The following PIGN variants were observed in gnomAD, a reference collection of about 807,000 sequenced individuals.
PIGN encodes GPI ethanolamine phosphate transferase 1.
Under a neutral mutation model 125.4 loss-of-function variants are expected in PIGN, and 117 were observed. The observed-to-expected ratio is 0.93, with a 90% confidence interval of 0.80 to 1.09. The LOEUF (loss-of-function observed/expected upper bound fraction) is 1.09. Among genes scored for constraint, PIGN ranks in the 50% least tolerant of loss-of-function variants. The pLI is 0.00. For synonymous variants in PIGN, 392 were observed against 377.8 expected (o/e 1.04, Z -0.44); for missense variants, 1,075 against 1,094.9 (o/e 0.98, Z 0.26).
intron 6 of PIGN, among the ~76,000 whole-genome samples, chr18:62,154,912 T>G (rs1048185064): frequency 1.3e-5 from 2 of 152,218 alleles, no homozygotes; most frequent in African/African-American, 4.8e-5. Context: ...ATTCATTATA[T>G]GTTAATTAAC....
intron 1 of PIGN, among the ~76,000 whole-genome samples, chr18:62,170,190 G>A (rs2037300736): frequency 6.6e-6 from 1 of 152,118 alleles, no homozygotes; most frequent in Non-Finnish European, 1.5e-5. Flanking sequence ...TTTTTAATTA[G>A]ATTGTGTTCT....
Position 62,113,249 on chromosome 18 carries a change from C to G in PIGN, c.1319G>C (p.Arg440Thr). The G allele has an allele frequency of 6.2e-7, 1 of 1,612,954 alleles. No individual in the cohort carries two copies. The highest frequency in any genetic ancestry group is 8.5e-7 in the Non-Finnish European group (1 of 1,179,292). The change falls in exon 16 of 31, where the codon AGA becomes ACA. Residue 440 changes from arginine to threonine, a missense_variant. This residue lies in a region of PIGN where 915 missense variants were observed against 908.7 expected (regional missense o/e 1.01). Transcript: ENST00000640252. ...AACAACATTGACGCCCAAAAAGAATCTGTCATATGTGTGATAATAGGACAA... is the reference window on the plus strand; with the variant it reads ...AACAACATTGACGCCCAAAAAGAATGTGTCATATGTGTGATAATAGGACAA... ...KGLSYYHTYD[R>T]FFLGVNVVIG...
At chr18:62,022,717 G>A (rs540769183) in intron 23 of PIGN, among the ~76,000 whole-genome samples, 2 of 152,248 alleles carry the variant, frequency 1.3e-5, no homozygotes, top group South Asian at 4.2e-4. Flanking sequence ...TTAGTACCTT[G>A]CATTTCATTA....
intron 10 of PIGN, among the ~76,000 whole-genome samples, chr18:62,145,355 C>T (rs1271114181): frequency 6.6e-6 from 1 of 152,110 alleles, no homozygotes; most frequent in African/African-American, 2.4e-5. Context: ...TATAAGAAAT[C>T]GCCCTCTGAA....
intron 1 of PIGN, among the ~76,000 whole-genome samples, chr18:62,178,351 C>T (rs1419498211): frequency 2.6e-5 from 4 of 151,832 alleles, no homozygotes. Context: ...CCCCCTTATG[C>T]TTGTTTCAGT....
intron 1 of PIGN, among the ~76,000 whole-genome samples, chr18:62,167,868 C>A (rs758813686): frequency 6.6e-6 from 1 of 151,574 alleles, no homozygotes; most frequent in Non-Finnish European, 1.5e-5. Context: ...ATTTTTTTAA[C>A]GGTGTATATA....
Position 62,101,193 on chromosome 18 carries a change from A to G in PIGN, c.1969-10T>C. ...GCACTGTGCTCAGCACCTAAAGACAAAGATGAAATAGGTTAAAAAAAGAGA... is the reference window on the plus strand; with the variant it reads ...GCACTGTGCTCAGCACCTAAAGACAGAGATGAAATAGGTTAAAAAAAGAGA... On this transcript the variant is annotated splice_polypyrimidine_tract_variant and intron_variant, in intron 21 of 30. Coordinates refer to ENST00000640252, the MANE Select transcript of PIGN (RefSeq NM_176787.5). 6.8e-7 allele frequency: 1 copy of G among 1,463,762 alleles called. No homozygotes were observed. The highest frequency in any genetic ancestry group is 9.5e-7 in the Non-Finnish European group (1 of 1,047,208). The allele number at this position is 1,463,762 out of a possible 1,614,324, so 90.7% of individuals were successfully genotyped here. A position where few individuals can be genotyped will look rare whatever the true frequency, so the allele number is the denominator to read the frequency against.
intron 28 of PIGN, among the ~76,000 whole-genome samples, chr18:62,081,059 C>T (rs1278921122): frequency 6.6e-6 from 1 of 152,078 alleles, no homozygotes; most frequent in Non-Finnish European, 1.5e-5. Context: ...TTGTTCAATA[C>T]ACATTTTAAG....
chr18:62,068,479 G>A (rs527386316), intron 30 of PIGN, among the ~76,000 whole-genome samples: 18 of 152,110 alleles, frequency 1.2e-4, no homozygotes, highest in African/African-American at 4.3e-4. Context: ...TTGGGGTCTT[G>A]GTAGAAAAAA....
At chr18:62,036,263 T>C (rs567143891), downstream of PIGN, among the ~76,000 whole-genome samples, 1 of 152,234 alleles carries the variant, frequency 6.6e-6, no homozygotes, top group East Asian at 1.9e-4. Context: ...AATCCCAGTA[T>C]ACTTTTTTTT....
intron 1 of PIGN, among the ~76,000 whole-genome samples, chr18:62,168,065 A>ATATCTGTAAT (rs77441898): frequency 2.0e-5 from 3 of 151,166 alleles, no homozygotes; most frequent in African/African-American, 7.3e-5. Flanking sequence ...GTGGTGGCGC[A>ATATCTGTAAT]CCCAACCACT....
At chr18:62,181,389 A>G (rs1023648071) in intron 1 of PIGN, among the ~76,000 whole-genome samples, 2 of 152,140 alleles carry the variant, frequency 1.3e-5, no homozygotes, top group African/African-American at 4.8e-5. Flanking sequence ...GACCACCTAA[A>G]TCTCAAACAA....
chr18:62,039,553 C>G (rs1433652972), downstream of PIGN, among the ~76,000 whole-genome samples: 1 of 94,842 alleles, frequency 1.1e-5, no homozygotes, highest in African/African-American at 3.3e-5. Flanking sequence ...TAGGGTCCAT[C>G]CAGGGTGCCG....
At chr18:62,099,410 C>A (rs902435287) in intron 22 of PIGN, among the ~76,000 whole-genome samples, 2 of 151,870 alleles carry the variant, frequency 1.3e-5, no homozygotes, top group African/African-American at 2.4e-5. Context: ...ATATATAAAA[C>A]AAAAATTATG....
chr18:62,085,419 G>A (rs1264674711), intron 25 of PIGN, among the ~76,000 whole-genome samples, 155 bp from the exon 26 acceptor site: 1 of 152,080 alleles, frequency 6.6e-6, no homozygotes, highest in Non-Finnish European at 1.5e-5. Flanking sequence ...AACTCCTTGT[G>A]AATGCATTTT....
intron 25 of PIGN, 42 bp downstream of exon 25, chr18:62,088,714 G>A (rs1371627225): frequency 3.0e-6 from 3 of 1,011,336 alleles, no homozygotes; most frequent in South Asian, 2.8e-5. Flanking sequence ...TCCATTAAGT[G>A]GGAGTTGCAG....
intron 11 of PIGN, 109 bp from the exon 12 acceptor site, chr18:62,140,588 A>C: frequency 1.7e-6 from 1 of 571,584 alleles, no homozygotes; most frequent in Non-Finnish European, 3.2e-6. Flanking sequence ...TGTTATAATC[A>C]GTTACCTTCA....
intron 1 of PIGN, among the ~76,000 whole-genome samples, chr18:62,166,965 C>A (rs1018856368): frequency 7.9e-5 from 12 of 152,124 alleles, no homozygotes; most frequent in Admixed American, 3.3e-4. Context: ...GTTTTAAAAC[C>A]TAGATGACAG....
In PIGN at chr18:62,105,539, A is replaced by T; in HGVS notation, c.1859+4T>A. The T allele has an allele frequency of 6.8e-7, 1 of 1,470,516 alleles. No individual in the cohort carries two copies. The highest frequency in any genetic ancestry group is 9.3e-7 in the Non-Finnish European group (1 of 1,073,172). 91.1% of individuals were successfully genotyped at this position (1,470,516 alleles called of 1,614,324 possible). On this transcript the variant is annotated splice_donor_region_variant and intron_variant, in intron 20 of 30. Coordinates refer to ENST00000640252, the MANE Select transcript of PIGN (RefSeq NM_176787.5). ...AATAGAATAAAATACAATATTATTCATACACTAGAGAGATGTCTGGCTTTC... is the reference window on the plus strand; with the variant it reads ...AATAGAATAAAATACAATATTATTCTTACACTAGAGAGATGTCTGGCTTTC...
Sources: allele counts gnomAD v4.1 joint callset (sites outside exome capture counted in the v4.1 genomes callset), GRCh38; gene constraint gnomAD v4.1.1; regional missense constraint gnomAD v4.1.1; transcripts MANE v1.5; gene names NCBI Gene and HGNC (gene_info 2026-07-23, HGNC 2026-07-21).